Variants in ANGPT1 observed in about 807,000 individuals in gnomAD.
The protein encoded by ANGPT1 is angiopoietin 1.
Under a neutral mutation model 62.2 loss-of-function variants are expected in ANGPT1, and 17 were observed. That is an observed-to-expected ratio of 0.27 (90% CI 0.19 to 0.41). The LOEUF is 0.41. ANGPT1 is among the 10% of genes least tolerant of loss of function. ANGPT1 has a pLI of 1.00. For missense variants in ANGPT1, 478 were observed against 594.9 expected, an observed-to-expected ratio of 0.80 and a Z score of 2.04; for synonymous variants, 199 against 198.9, an observed-to-expected ratio of 1.00 and a Z score of 0.00.
At chr8:107,467,226 C>A (rs75479360) in intron 1 of ANGPT1, among the ~76,000 whole-genome samples, 1 of 151,724 alleles carries the variant, frequency 6.6e-6, no homozygotes, top group African/African-American at 2.4e-5. Context: ...CATATTAAAT[C>A]CCTCTATCAA....
intron 3 of ANGPT1, chr8:107,322,833 A>T (rs550053381): frequency 5.3e-6 from 1 of 189,046 alleles, no homozygotes; most frequent in South Asian, 9.1e-5. Context: ...TCACACACAC[A>T]TACAAAAAGA....
chr8:107,334,972 C>A (rs1337071695), intron 3 of ANGPT1, among the ~76,000 whole-genome samples: 1 of 152,040 alleles, frequency 6.6e-6, no homozygotes, highest in African/African-American at 2.4e-5. Context: ...CATGAGTGAC[C>A]CCTTTCAGAT....
chr8:107,480,652 T>C, intron 1 of ANGPT1, among the ~76,000 whole-genome samples: 1 of 152,226 alleles, frequency 6.6e-6, no homozygotes, highest in South Asian at 2.1e-4. Flanking sequence ...TTTCAATTTA[T>C]TTGGCTTACA....
chr8:107,488,164 G>GT (rs1180880942), intron 1 of ANGPT1, among the ~76,000 whole-genome samples: 1 of 152,172 alleles, frequency 6.6e-6, no homozygotes, highest in African/African-American at 2.4e-5. Flanking sequence ...ATCTGCATTT[G>GT]TTTTTGAAAT....
At chr8:107,395,411 C>T (rs1271842438) in intron 1 of ANGPT1, among the ~76,000 whole-genome samples, 1 of 152,022 alleles carries the variant, frequency 6.6e-6, no homozygotes, top group Non-Finnish European at 1.5e-5. Flanking sequence ...TCCATGTTTC[C>T]ATATTTTTGT....
rs374023906 is a variant in ANGPT1, at chr8:107,326,149, C to G, written c.576-4021G>C. 1.7e-4 allele frequency among the ~76,000 whole-genome samples: 26 copies of G among 152,188 alleles called. No homozygotes were observed. In the East Asian group the frequency reaches 3.5e-3, roughly 20 times the overall value. On this transcript the variant is annotated intron_variant, in intron 3 of 8. Transcript: ENST00000517746. ...ATATAGTTTGTCATCTTAGAATAGA[C>G]AGTGCATGTAATGTGAAAAAGAGAC...
At chr8:107,258,499 C>G (rs1423837518) in intron 8 of ANGPT1, among the ~76,000 whole-genome samples, 1 of 152,098 alleles carries the variant, frequency 6.6e-6, no homozygotes, top group Non-Finnish European at 1.5e-5. Flanking sequence ...TATTTCTCAT[C>G]CACTGTCAAT....
At chr8:107,456,185 T>C (rs920619406) in intron 1 of ANGPT1, among the ~76,000 whole-genome samples, 1 of 152,116 alleles carries the variant, frequency 6.6e-6, no homozygotes, top group Non-Finnish European at 1.5e-5. Context: ...CAAACATGAT[T>C]TGGTCAACGT....
At chr8:107,289,763 TG>T (rs573987592) in intron 6 of ANGPT1, among the ~76,000 whole-genome samples, 1 of 152,120 alleles carries the variant, frequency 6.6e-6, no homozygotes, top group Non-Finnish European at 1.5e-5. Context: ...GCTCTGTTTA[TG>T]GGGGTAATTG....
At chr8:107,429,509 T>A (rs937573213) in intron 1 of ANGPT1, among the ~76,000 whole-genome samples, 2 of 152,194 alleles carry the variant, frequency 1.3e-5, no homozygotes, top group African/African-American at 4.8e-5. Flanking sequence ...GAGCTTGCTT[T>A]CTGAGAGATG....
intron 3 of ANGPT1, among the ~76,000 whole-genome samples, chr8:107,324,802 G>A (rs947382695): frequency 2.0e-5 from 3 of 152,110 alleles, no homozygotes; most frequent in African/African-American, 7.2e-5. Flanking sequence ...TTCTCATTGA[G>A]ACCCATTAGC....
intron 1 of ANGPT1, among the ~76,000 whole-genome samples, chr8:107,481,589 A>G (rs906278990): frequency 6.6e-6 from 1 of 151,220 alleles, no homozygotes; most frequent in Non-Finnish European, 1.5e-5. Flanking sequence ...AAAAGGTACT[A>G]TATTAGTCCA....
At chr8:107,424,877 A>T (rs1051783308) in intron 1 of ANGPT1, among the ~76,000 whole-genome samples, 14 of 152,126 alleles carry the variant, frequency 9.2e-5, no homozygotes, top group Admixed American at 2.6e-4. Flanking sequence ...TTCTTTTTTT[A>T]AAAAAATATT....
At chr8:107,429,573 A>G (rs59702603) in intron 1 of ANGPT1, among the ~76,000 whole-genome samples, 10,052 of 150,476 alleles carry the variant, frequency 0.067, 446 homozygotes, top group African/African-American at 0.11. Flanking sequence ...CTTCAGGGTT[A>G]ATTATTTGTC....
chr8:107,430,787 G>C (rs941633756), intron 1 of ANGPT1, among the ~76,000 whole-genome samples: 1 of 152,144 alleles, frequency 6.6e-6, no homozygotes, highest in African/African-American at 2.4e-5. Flanking sequence ...GCCTCCAAAA[G>C]GAACCAACTT....
intron 1 of ANGPT1, among the ~76,000 whole-genome samples, chr8:107,466,014 G>A (rs1021503750): frequency 6.6e-6 from 1 of 152,210 alleles, no homozygotes; most frequent in Non-Finnish European, 1.5e-5. Flanking sequence ...CTTCCATGAA[G>A]AGCCATTCCT....
At position 107,309,246 on chromosome 8, in the gene ANGPT1, G is replaced by A. The variant is rs938946667; in HGVS notation, c.809-5879C>T. ...ATTTACCGAACATCAGAATACATGT[G>A]GATCAGGTTATTTGTTCAAGGATAG... On this transcript the variant is annotated intron_variant, in intron 4 of 8. Transcript: ENST00000517746. Among the ~76,000 whole-genome samples, 4 of 152,264 alleles carry A rather than the reference G, an allele frequency of 2.6e-5. No homozygotes were observed. In the East Asian group the frequency reaches 7.7e-4, roughly 29 times the overall value.
intron 7 of ANGPT1, among the ~76,000 whole-genome samples, chr8:107,273,158 T>C (rs557489032): frequency 2.5e-4 from 38 of 152,234 alleles, no homozygotes; most frequent in African/African-American, 8.4e-4. Context: ...TTGGTGATTT[T>C]TCAGTCTAAA....
intron 1 of ANGPT1, among the ~76,000 whole-genome samples, chr8:107,414,119 G>A (rs1349277683): frequency 1.3e-5 from 2 of 152,078 alleles, no homozygotes; most frequent in Non-Finnish European, 2.9e-5. Flanking sequence ...AGCATTAATC[G>A]TTCTGCTAGG....
Sources: gnomAD v4.1 joint callset for allele counts (sites outside exome capture counted in the v4.1 genomes callset) on GRCh38, gnomAD v4.1.1 for gene constraint, MANE v1.5 for transcripts, NCBI Gene and HGNC (gene_info 2026-07-23, HGNC 2026-07-21) for gene names.